The following GREB1 variants were observed in gnomAD, a reference collection of about 807,000 sequenced individuals.
The protein encoded by GREB1 is protein GREB1.
Under a neutral mutation model 200.7 loss-of-function variants are expected in GREB1, and 106 were observed. The observed-to-expected ratio is 0.53, with a 90% CI of 0.45 to 0.62. The LOEUF (loss-of-function observed/expected upper bound fraction) is 0.62. Among genes scored for constraint, GREB1 ranks in the 20% least tolerant of loss-of-function variants. GREB1 has a pLI of 0.00. For missense variants in GREB1, 2,243 were observed against 2,556.8 expected, an observed-to-expected ratio of 0.88 and a Z score of 2.65; for synonymous variants, 1,132 against 1,092.4, an observed-to-expected ratio of 1.04 and a Z score of -0.72.
At chr2:11,619,027 C>G (rs1322170591) in intron 22 of GREB1, 108 bp downstream of exon 22, 19 of 1,103,076 alleles carry the variant, frequency 1.7e-5, no homozygotes, top group Non-Finnish European at 2.4e-5. Context: ...CACTTTTCAC[C>G]CTTCCCGTGG....
intron 19 of GREB1, among the ~76,000 whole-genome samples, chr2:11,613,259 CT>C (rs1683103409): frequency 6.6e-6 from 1 of 152,170 alleles, no homozygotes; most frequent in Admixed American, 6.5e-5. Context: ...CCTGGGCCTC[CT>C]GTAAGGCAGT....
chr2:11,544,640 A>G (rs1480464758), intron 1 of GREB1, among the ~76,000 whole-genome samples: 3 of 152,186 alleles, frequency 2.0e-5, no homozygotes, highest in African/African-American at 7.2e-5. Flanking sequence ...TTTCCTTGGA[A>G]TGGGCTGGAG....
At chr2:11,562,888 C>T (rs758876974) in intron 3 of GREB1, 3 of 240,126 alleles carry the variant, frequency 1.2e-5, no homozygotes, top group Non-Finnish European at 2.4e-5. Flanking sequence ...GTGTTGGTTG[C>T]TTGGAACCTA....
chr2:11,483,307 C>T (rs1329479590), intron 1 of GREB1, among the ~76,000 whole-genome samples: 1 of 137,188 alleles, frequency 7.3e-6, no homozygotes, highest in African/African-American at 2.6e-5. Flanking sequence ...TGCATGTGTA[C>T]GCGTGTATCG....
At chr2:11,630,190 T>C in intron 26 of GREB1, 81 bp downstream of exon 26, 1 of 1,374,856 alleles carries the variant, frequency 7.3e-7, no homozygotes, top group East Asian at 2.3e-5. Context: ...CAGAGCTTCC[T>C]GTGAGGGAGT....
rs748415003 is a variant in GREB1 at position 11,556,604 on chromosome 2, T to A, written c.-11T>A. 7 of 1,605,068 alleles carry A rather than the reference T, an allele frequency of 4.4e-6. No homozygotes were observed. The highest frequency in any genetic ancestry group is 1.7e-4 in the Middle Eastern group (1 of 6,036). ...ATGCCATTTTAAACAGAAGACTCCA[T>A]CCTCTTGAAGATGGGAAATTCTTAC... On this transcript the variant is annotated 5_prime_UTR_variant, in exon 2 of 33. Coordinates refer to ENST00000381486, the MANE Select transcript of GREB1 (RefSeq NM_014668.4).
rs553020411 is a variant in GREB1 at position 11,637,734 on chromosome 2, G to T, written c.5365G>T (p.Ala1789Ser). The change falls in exon 31 of 33, where the codon GCG becomes TCG. Residue 1789 changes from alanine to serine, a missense_variant. Transcript: ENST00000381486. ...CGTGCAGGTGTCTGATAACTCTGCC[G>T]CGGTCGTGCCGGCCCAGTACATCTG... ...ITSKVSDNSA[A>S]VVPAQYICAP... 1.2e-6 allele frequency: 2 copies of T among 1,613,322 alleles called. No homozygotes were observed. The highest frequency in any genetic ancestry group is 3.3e-5 in the Admixed American group (2 of 60,016).
rs750656652 is a variant in GREB1 at position 11,640,420 on chromosome 2, G to T, written c.5816G>T (p.Arg1939Leu). 8.1e-6 allele frequency: 13 copies of T among 1,614,196 alleles called. No homozygotes were observed. The highest frequency in any genetic ancestry group is 1.1e-5 in the Non-Finnish European group (13 of 1,180,036). Reference sequence around the variant, plus strand: ...CAGACCGCCAATGCCAGGGAAGACCGGCCGCTCTTTTTTCTGACGGGACGA... The same window carrying T: ...CAGACCGCCAATGCCAGGGAAGACCTGCCGCTCTTTTTTCTGACGGGACGA... ...EFQTANARED[R>L]PLFFLTGRHI is the part of the protein sequence containing the mutation. The change falls in exon 33 of 33, where the codon CGG becomes CTG. Residue 1939 changes from arginine (R) to leucine (L), a missense_variant. Around this residue, in one of 3 missense-constraint regions of GREB1, gnomAD observed 478 missense variants for 616.3 expected, o/e 0.78. Transcript: ENST00000381486. The surrounding 1 kb of genome is among the most constrained non-coding windows in gnomAD (Gnocchi z 4.6).
intron 1 of GREB1, among the ~76,000 whole-genome samples, chr2:11,483,266 G>T (rs1480521479): frequency 6.7e-6 from 1 of 149,070 alleles, no homozygotes; most frequent in South Asian, 2.1e-4. Flanking sequence ...GTGTGCACGT[G>T]TGTGCGTGTG....
intron 4 of GREB1, among the ~76,000 whole-genome samples, chr2:11,571,502 G>A (rs945792859): frequency 3.3e-5 from 5 of 152,098 alleles, no homozygotes; most frequent in Non-Finnish European, 5.9e-5. Context: ...AGATGTACGC[G>A]GTACCTGACT....
intron 7 of GREB1, among the ~76,000 whole-genome samples, chr2:11,582,949 C>T (rs370652774): frequency 7.2e-5 from 11 of 152,254 alleles, no homozygotes; most frequent in African/African-American, 2.2e-4. Flanking sequence ...TTGTCCCAGG[C>T]CCAGGGTCTT....
In GREB1 at chr2:11,587,632, C is replaced by T; in HGVS notation, c.1160-1114C>T. ...AGCCCAGCAGGACATCTGCATATAA[C>T]ACACAGCCGAAGTCAGAAAATATAT... On this transcript the variant is annotated intron_variant, in intron 9 of 32. Coordinates refer to ENST00000381486, the MANE Select transcript of GREB1 (RefSeq NM_014668.4). 2.1e-6 allele frequency: 3 copies of T among 1,422,702 alleles called. No individual in the cohort carries two copies. The South Asian group carries it at 4.4e-5, about 21-fold the overall frequency. The allele number at this position is 1,422,702 out of a possible 1,614,324, so 88.1% of individuals were successfully genotyped here.
At chr2:11,626,875 G>A in intron 24 of GREB1, 87 bp from the exon 25 acceptor site, 1 of 1,370,980 alleles carries the variant, frequency 7.3e-7, no homozygotes, top group Non-Finnish European at 1.0e-6. Context: ...CTGGTCATTT[G>A]AGCATTTTTG....
chr2:11,566,575 C>T lies in GREB1; in HGVS notation c.373C>T (p.Pro125Ser). The change falls in exon 4 of 33, where the codon CCC becomes TCC. Residue 125 changes from proline to serine, a missense_variant. This residue lies in a region of GREB1 where 1,178 missense variants were observed against 1,387.4 expected (regional missense o/e 0.85). Coordinates refer to ENST00000381486, the MANE Select transcript of GREB1 (RefSeq NM_014668.4). The part of the protein sequence containing the change: ...AGFLLVGVKS[P>S]SLPDHLLVCA... ...CTTTCTCCTCGTGGGGGTCAAGTCC[C>T]CCAGCCTGCCGGACCATCTCCTGGT... is the stretch of plus-strand genomic sequence containing the variant. 3.1e-6 allele frequency: 5 copies of T among 1,614,150 alleles called. No homozygotes were observed. The highest frequency in any genetic ancestry group is 3.4e-6 in the Non-Finnish European group (4 of 1,180,022).
At position 11,616,712 on chromosome 2, in the gene GREB1, A is replaced by G; in HGVS notation, c.3404A>G (p.Lys1135Arg). The G allele has an allele frequency of 2.5e-6, 4 of 1,605,516 alleles. No homozygotes were observed. Among genetic ancestry groups the G allele is most frequent in the Non-Finnish European group, 3.4e-6 (4 of 1,172,140 alleles). ...HDSASSSLSS[K>R]ASGSALGGES... ...TCAGCATCCTCATCCCTCTCCTCCA[A>G]GGCTTCCGGTGAGTCTTCCCACACG... Residue 1135 changes from lysine (K) to arginine (R), a missense_variant, in exon 21 of 33, where the codon AAG (lysine) becomes AGG (arginine). Lys to Arg is a conservative substitution (Grantham distance 26). Transcript: ENST00000381486.
At chr2:11,624,230 A>G (rs1684244973) in intron 23 of GREB1, among the ~76,000 whole-genome samples, 1 of 152,172 alleles carries the variant, frequency 6.6e-6, no homozygotes, top group Non-Finnish European at 1.5e-5. Context: ...ACCCGGAACA[A>G]CTGCCAGTCC....
At chr2:11,498,460 A>G (rs932530747) in intron 1 of GREB1, among the ~76,000 whole-genome samples, 4 of 152,222 alleles carry the variant, frequency 2.6e-5, no homozygotes, top group Admixed American at 1.3e-4. Flanking sequence ...TAGGGACACA[A>G]CAGTACCTAA....
intron 1 of GREB1, among the ~76,000 whole-genome samples, chr2:11,494,777 G>A (rs1174283720): frequency 6.6e-6 from 1 of 152,174 alleles, no homozygotes; most frequent in African/African-American, 2.4e-5. Context: ...GTAAGATGGG[G>A]TCAGTAATAA....
At chr2:11,532,231 C>T (rs969713249), upstream of GREB1, among the ~76,000 whole-genome samples, 1 of 152,200 alleles carries the variant, frequency 6.6e-6, no homozygotes, top group South Asian at 2.1e-4. Flanking sequence ...CATCAGTCAA[C>T]ACTCTCATGG....
Sources: allele counts gnomAD v4.1 joint callset (sites outside exome capture counted in the v4.1 genomes callset), GRCh38; gene constraint gnomAD v4.1.1; regional missense constraint gnomAD v4.1.1; non-coding constraint Gnocchi (gnomAD v3.1); transcripts MANE v1.5; gene names NCBI Gene and HGNC (gene_info 2026-07-23, HGNC 2026-07-21).